Variants in ROBO2 observed in about 807,000 individuals in gnomAD.
The protein encoded by ROBO2 is roundabout guidance receptor 2.
Under a neutral mutation model 160.8 loss-of-function variants are expected in ROBO2, and 53 were observed. That is an observed-to-expected ratio of 0.33 (90% confidence interval 0.26 to 0.41). ROBO2 has a LOEUF of 0.41. Among genes scored for constraint, ROBO2 ranks in the 10% least tolerant of loss-of-function variants. ROBO2 has a pLI of 1.00. For synonymous variants in ROBO2, 664 were observed against 611.7 expected, an observed-to-expected ratio of 1.09 and a Z score of -1.26; for missense variants, 1,577 against 1,722.4, an observed-to-expected ratio of 0.92 and a Z score of 1.49.
At chr3:77,537,214 A>G (rs868025729) in intron 6 of ROBO2, among the ~76,000 whole-genome samples, 5 of 151,896 alleles carry the variant, frequency 3.3e-5, no homozygotes, top group Non-Finnish European at 7.4e-5. Flanking sequence ...TCGTCATACT[A>G]TGTAATTATT....
intron 1 of ROBO2, among the ~76,000 whole-genome samples, chr3:75,908,082 G>A (rs1946428559): frequency 1.3e-5 from 2 of 151,860 alleles, no homozygotes; most frequent in South Asian, 2.1e-4. Flanking sequence ...CAATAAAATC[G>A]GTGGGCATAC....
At chr3:77,171,795 A>G (rs1018120884) in intron 2 of ROBO2, among the ~76,000 whole-genome samples, 6 of 152,168 alleles carry the variant, frequency 3.9e-5, no homozygotes, top group Non-Finnish European at 7.4e-5. Context: ...CATGCTGTCT[A>G]TTTCCTTCCG....
intron 2 of ROBO2, among the ~76,000 whole-genome samples, chr3:77,013,448 ACT>A (rs1038124906): frequency 3.0e-4 from 45 of 152,164 alleles, no homozygotes; most frequent in Non-Finnish European, 6.3e-4. Context: ...TTATTTTAAA[ACT>A]CATATATTAA....
chr3:76,929,838 AAG>A (rs960199650), intron 2 of ROBO2, among the ~76,000 whole-genome samples: 1 of 151,994 alleles, frequency 6.6e-6, no homozygotes, highest in African/African-American at 2.4e-5. Flanking sequence ...CTCAGGGAAA[AAG>A]AGACTCCAGT....
chr3:77,648,624 G>T (rs551881447), exon 26 of ROBO2: 1 of 152,116 alleles, frequency 6.6e-6, no homozygotes, highest in Non-Finnish European at 1.5e-5. Flanking sequence ...TAGATTGAGG[G>T]CAAGATAAAA....
intron 2 of ROBO2, among the ~76,000 whole-genome samples, chr3:76,055,887 T>A (rs900468546): frequency 4.6e-5 from 7 of 152,138 alleles, no homozygotes; most frequent in African/African-American, 1.7e-4. Context: ...GCCTCCCAAG[T>A]AGCTGGGACT....
intron 2 of ROBO2, among the ~76,000 whole-genome samples, chr3:76,892,269 C>A (rs2074406884): frequency 6.7e-6 from 1 of 150,366 alleles, no homozygotes; most frequent in Non-Finnish European, 1.5e-5. Flanking sequence ...ACTGCCTAGG[C>A]AGCTTTGCCA....
At chr3:77,028,325 A>G (rs1282031033) in intron 2 of ROBO2, among the ~76,000 whole-genome samples, 15 of 152,068 alleles carry the variant, frequency 9.9e-5, no homozygotes, top group Admixed American at 9.8e-4. Context: ...TGCCGAAGTC[A>G]CTTCATTTCT....
At chr3:76,734,327 AG>A (rs1306542493) in intron 2 of ROBO2, among the ~76,000 whole-genome samples, 1 of 152,198 alleles carries the variant, frequency 6.6e-6, no homozygotes, top group African/African-American at 2.4e-5. Context: ...TGAGAGTAAA[AG>A]GGGGCACTAT....
At chr3:76,622,249 A>AGAAAGAAAGAAAGAAAGAAAGAAGGAAG (rs1560252348) in intron 2 of ROBO2, among the ~76,000 whole-genome samples, 3 of 52,672 alleles carry the variant, frequency 5.7e-5, no homozygotes, top group East Asian at 6.3e-4. Flanking sequence ...AAAGAAAGAA[A>AGAAAGAAAGAAAGAAAGAAAGAAGGAAG]GAAAGAAAGA....
At chr3:76,827,569 A>G (rs1464659694) in intron 2 of ROBO2, among the ~76,000 whole-genome samples, 1 of 152,158 alleles carries the variant, frequency 6.6e-6, no homozygotes, top group Non-Finnish European at 1.5e-5. Flanking sequence ...AAAGTTGACA[A>G]CATTACAGGG....
chr3:77,632,678 ACT>A, intron 23 of ROBO2: 1 of 1,520,770 alleles, frequency 6.6e-7, no homozygotes, highest in Non-Finnish European at 8.8e-7. Flanking sequence ...CCAAGTCAAC[ACT>A]CTTTGCATGA....
rs935002960 is a variant in ROBO2 at position 76,620,961 on chromosome 3, C to T, written c.110-477053C>T. Among the ~76,000 whole-genome samples the T allele has an allele frequency of 2.0e-5, 3 of 152,080 alleles. No homozygotes were observed. The East Asian group carries it at 5.8e-4, about 29-fold the overall frequency. Reference sequence around the variant, plus strand: ...GAAATATCCAAATCATTAGAAACATCATGTATAGGAATGAACAGGAGAAAG... The same window carrying T: ...GAAATATCCAAATCATTAGAAACATTATGTATAGGAATGAACAGGAGAAAG... On this transcript the variant is annotated intron_variant, in intron 2 of 26. Coordinates refer to the ROBO2 transcript ENST00000487694.
chr3:76,160,597 T>C (rs188561999), intron 2 of ROBO2, among the ~76,000 whole-genome samples: 18 of 152,316 alleles, frequency 1.2e-4, no homozygotes, highest in Non-Finnish European at 2.2e-4. Flanking sequence ...TGCTGATTTC[T>C]TCAGGGCATT....
chr3:77,641,395 G>A (rs1268005876), intron 24 of ROBO2, among the ~76,000 whole-genome samples: 1 of 152,120 alleles, frequency 6.6e-6, no homozygotes, highest in East Asian at 1.9e-4. Context: ...AGAGTATAAA[G>A]GTTCTTGAAG....
chr3:77,352,936 T>G (rs1410501990), intron 2 of ROBO2, among the ~76,000 whole-genome samples: 1 of 152,214 alleles, frequency 6.6e-6, no homozygotes, highest in African/African-American at 2.4e-5. Context: ...TCCTTTTAAA[T>G]AAAGTAGTTT....
intron 2 of ROBO2, among the ~76,000 whole-genome samples, chr3:76,217,893 CATTG>C (rs1703671353): frequency 6.6e-6 from 1 of 152,158 alleles, no homozygotes. Context: ...CCTTGATGAA[CATTG>C]ATGCAAAAAT....
At chr3:76,297,658 GA>G (rs550602436) in intron 2 of ROBO2, among the ~76,000 whole-genome samples, 82 of 12,636 alleles carry the variant, frequency 6.5e-3, no homozygotes, top group African/African-American at 0.023. Flanking sequence ...TGTATTTCAA[GA>G]AAAAAAAAAG....
chr3:77,573,981 C>T (rs1461715610), intron 13 of ROBO2, among the ~76,000 whole-genome samples: 1 of 151,946 alleles, frequency 6.6e-6, no homozygotes, highest in Non-Finnish European at 1.5e-5. Context: ...TCCATTTTAT[C>T]CCCAGAGCTC....
Sources: gnomAD v4.1 joint callset for allele counts (sites outside exome capture counted in the v4.1 genomes callset) on GRCh38, gnomAD v4.1.1 for gene constraint, MANE v1.5 for transcripts, NCBI Gene and HGNC (gene_info 2026-07-23, HGNC 2026-07-21) for gene names.